Variants in FAM169A observed in about 807,000 individuals in gnomAD.
The protein encoded by FAM169A is soluble lamin-associated protein of 75 kDa.
In FAM169A, 24 loss-of-function variants were observed where a neutral mutation model predicts 75.7. That is an observed-to-expected ratio of 0.32 (90% confidence interval 0.23 to 0.45). FAM169A has a LOEUF of 0.45. Among genes scored for constraint, FAM169A ranks in the 20% least tolerant of loss-of-function variants. The pLI is 1.00. For missense variants in FAM169A, 673 were observed against 784.0 expected (o/e 0.86, Z 1.69); for synonymous variants, 271 against 271.0 (o/e 1.00, Z 0.00).
At chr5:74,827,837 A>G (rs945036663) in intron 5 of FAM169A, among the ~76,000 whole-genome samples, 11 of 150,178 alleles carry the variant, frequency 7.3e-5, no homozygotes, top group Admixed American at 2.0e-4. Context: ...TAATTTTTGT[A>G]TTTTTTTTTG....
chr5:74,838,910 G>A, intron 4 of FAM169A, 55 bp downstream of exon 4: 1 of 1,202,346 alleles, frequency 8.3e-7, no homozygotes, highest in South Asian at 1.2e-5. Flanking sequence ...CTGTTTACAG[G>A]AAACACTGTG....
At chr5:74,784,754 T>C (rs1445932151) in intron 11 of FAM169A, among the ~76,000 whole-genome samples, 3 of 147,268 alleles carry the variant, frequency 2.0e-5, no homozygotes, top group African/African-American at 7.5e-5. Context: ...CCGTCTCTAC[T>C]AAAAAATACA....
intron 4 of FAM169A, 99 bp from the exon 5 acceptor site, chr5:74,834,696 T>C: frequency 1.1e-6 from 1 of 916,842 alleles, no homozygotes; most frequent in Non-Finnish European, 1.5e-6. Context: ...CATACTGGAA[T>C]TCAAAGCACT....
At chr5:74,844,779 T>C (rs1749066515) in intron 1 of FAM169A, among the ~76,000 whole-genome samples, 1 of 152,052 alleles carries the variant, frequency 6.6e-6, no homozygotes, top group East Asian at 1.9e-4. Flanking sequence ...ATCGCACCAC[T>C]GCACTCCAGC....
At chr5:74,814,159 A>C (rs1747351895) in intron 5 of FAM169A, 140 bp from the exon 6 acceptor site, 1 of 554,764 alleles carries the variant, frequency 1.8e-6, no homozygotes, top group Non-Finnish European at 3.0e-6. Flanking sequence ...TTATAATATA[A>C]AGTGTTTTTC....
chr5:74,844,769 A>G (rs1235519999), intron 1 of FAM169A, among the ~76,000 whole-genome samples: 1 of 152,158 alleles, frequency 6.6e-6, no homozygotes, highest in Non-Finnish European at 1.5e-5. Context: ...GTGAGCCAAG[A>G]TCGCACCACT....
At chr5:74,818,797 CTCTCTCTA>C (rs199575404) in intron 5 of FAM169A, among the ~76,000 whole-genome samples, 5,037 of 136,046 alleles carry the variant, frequency 0.037, 87 homozygotes, top group Admixed American at 0.05. Context: ...CTCTCTCTCT[CTCTCTCTA>C]TATATATATA....
intron 3 of FAM169A, among the ~76,000 whole-genome samples, chr5:74,839,476 T>C (rs1269253527): frequency 6.6e-6 from 1 of 152,100 alleles, no homozygotes; most frequent in Non-Finnish European, 1.5e-5. Flanking sequence ...GATTGCAAGT[T>C]TCCTGGTGGC....
chr5:74,830,680 A>G lies in FAM169A; in HGVS notation c.490+3746T>C, dbSNP rs1054078998. ...CACCATGACTATACATCACATATCT[A>G]TTTTTTTTTAAACAGGGAATACATA... On this transcript the variant is annotated intron_variant, in intron 5 of 12. Transcript: ENST00000687041. Among the ~76,000 whole-genome samples the G allele has an allele frequency of 3.0e-4, 45 of 151,530 alleles. 1 individual carries two copies. Among genetic ancestry groups the G allele is most frequent in the Non-Finnish European group, 8.8e-5 (6 of 67,838 alleles).
intron 1 of FAM169A, among the ~76,000 whole-genome samples, chr5:74,851,478 G>T (rs1162634745): frequency 1.3e-5 from 2 of 152,198 alleles, no homozygotes; most frequent in Non-Finnish European, 2.9e-5. Flanking sequence ...CCCAGGAATG[G>T]ATGATAAATC....
intron 1 of FAM169A, among the ~76,000 whole-genome samples, chr5:74,846,858 C>T (rs767092348): frequency 2.0e-5 from 3 of 152,102 alleles, no homozygotes; most frequent in Non-Finnish European, 4.4e-5. Context: ...AGCCACTGTG[C>T]GTGGTCCTAA....
At chr5:74,790,763 G>A (rs2084119) in intron 11 of FAM169A, among the ~76,000 whole-genome samples, 12,923 of 152,218 alleles carry the variant, frequency 0.085, 680 homozygotes, top group Admixed American at 0.16. Flanking sequence ...ACCTGGCTAA[G>A]GCCACTGCTG....
rs1420658287 is a variant in FAM169A at position 74,806,296 on chromosome 5, T to G, written c.671-1012A>C. On this transcript the variant is annotated intron_variant, in intron 6 of 12. Coordinates refer to ENST00000687041, the MANE Select transcript of FAM169A (RefSeq NM_001376049.1). ...CCAAATGACAGAAAAGGCATTACACTTCAGCAAAGAATGGATAAACTACTA... is the reference window on the plus strand; with the variant it reads ...CCAAATGACAGAAAAGGCATTACACGTCAGCAAAGAATGGATAAACTACTA... Among the ~76,000 whole-genome samples the G allele has an allele frequency of 3.9e-5, 6 of 152,282 alleles. No homozygotes were observed. In the South Asian group the frequency reaches 8.3e-4, roughly 21 times the overall value.
rs1001686673 is a variant in FAM169A at position 74,795,951 on chromosome 5, A to G, written c.1260+79T>C. The G allele has an allele frequency of 3.2e-5, 46 of 1,441,394 alleles. No individual in the cohort carries two copies. In the East Asian group the frequency reaches 5.5e-4, roughly 17 times the overall value. The allele number at this position is 1,441,394 out of a possible 1,614,324, so 89.3% of individuals were successfully genotyped here. On this transcript the variant is annotated intron_variant, in intron 11 of 12. Coordinates refer to ENST00000687041, the MANE Select transcript of FAM169A (RefSeq NM_001376049.1). ...CTAACACTCTAAAATATATCGCTAT[A>G]CTTTTCTAACAACATGTGATTAAGA...
intron 1 of FAM169A, among the ~76,000 whole-genome samples, chr5:74,845,982 G>T (rs1749136193): frequency 6.6e-6 from 1 of 152,182 alleles, no homozygotes; most frequent in African/African-American, 2.4e-5. Flanking sequence ...GATTAAAATT[G>T]TAGATGAAAT....
intron 6 of FAM169A, among the ~76,000 whole-genome samples, chr5:74,813,113 G>A (rs1322404940): frequency 6.6e-6 from 1 of 152,182 alleles, no homozygotes; most frequent in Non-Finnish European, 1.5e-5. Flanking sequence ...TGTCCAGAAT[G>A]AGTAAATCTA....
In FAM169A at chr5:74,781,563, G is replaced by C; in HGVS notation, c.1910C>G (p.Ser637Ter). 1 of 1,614,042 alleles carries C rather than the reference G, an allele frequency of 6.2e-7. No individual in the cohort carries two copies. The highest frequency in any genetic ancestry group is 8.5e-7 in the Non-Finnish European group (1 of 1,179,992). The change falls in exon 13 of 13, where the codon TCA (serine) becomes TGA (stop). Residue 637 changes from serine (S) to a stop codon, truncating the protein, a stop_gained. Transcript: ENST00000687041. LOFTEE classifies it high-confidence loss of function. ...AGGCACTTCCACTTCTATTTCCTCT[G>C]AGCTGCTATCCACAGCTTTTTCTGC... ...QSAEKAVDSSSEEIEVEVPVV... is the reference protein window; with the variant it reads ...QSAEKAVDSS
intron 4 of FAM169A, among the ~76,000 whole-genome samples, chr5:74,835,499 C>T (rs1294042492): frequency 6.7e-6 from 1 of 149,088 alleles, no homozygotes; most frequent in Admixed American, 6.9e-5. Flanking sequence ...CTATTCAGGA[C>T]GCTAAAGGGG....
At chr5:74,832,093 A>AT (rs1049499948) in intron 5 of FAM169A, among the ~76,000 whole-genome samples, 8 of 151,946 alleles carry the variant, frequency 5.3e-5, no homozygotes, top group African/African-American at 1.9e-4. Context: ...TAATTTAAAA[A>AT]TTTTTTTTAC....
Sources: allele counts gnomAD v4.1 joint callset (sites outside exome capture counted in the v4.1 genomes callset), GRCh38; gene constraint gnomAD v4.1.1; transcripts MANE v1.5; gene names NCBI Gene and HGNC (gene_info 2026-07-23, HGNC 2026-07-21).